Variants in LINGO2 observed in about 807,000 individuals in gnomAD.
LINGO2 encodes leucine rich repeat and Ig domain containing 2, also known as leucine-rich repeat and immunoglobulin-like domain-containing nogo receptor-interacting protein 2.
In LINGO2, 14 loss-of-function variants were observed where a neutral mutation model predicts 30.6. The ratio of observed to expected loss-of-function variants is 0.46; its 90% CI spans 0.30 to 0.72. The LOEUF (loss-of-function observed/expected upper bound fraction) is 0.72. Among genes scored for constraint, LINGO2 ranks in the 30% least tolerant of loss-of-function variants. LINGO2 has a pLI of 0.07. For missense variants in LINGO2, 729 were observed against 751.7 expected, an observed-to-expected ratio of 0.97 and a Z score of 0.35; for synonymous variants, 317 against 288.5, an observed-to-expected ratio of 1.10 and a Z score of -1.00.
chr9:28,226,031 A>G, intron 4 of LINGO2, among the ~76,000 whole-genome samples: 1 of 152,178 alleles, frequency 6.6e-6, no homozygotes. Flanking sequence ...ATAACACCAG[A>G]AGTTCCTCCA....
intron 2 of LINGO2, among the ~76,000 whole-genome samples, chr9:28,469,615 A>G (rs1450418456): frequency 1.3e-5 from 2 of 152,188 alleles, no homozygotes; most frequent in African/African-American, 2.4e-5. Flanking sequence ...TAAACCTATC[A>G]TTGAATTTTT....
chr9:28,919,635 T>C, the LINGO2 span, among the ~76,000 whole-genome samples: 1 of 152,114 alleles, frequency 6.6e-6, no homozygotes, highest in African/African-American at 2.4e-5. Context: ...GGTGCAGGCA[T>C]GGACATTCTT....
the LINGO2 span, among the ~76,000 whole-genome samples, chr9:28,876,609 C>T: frequency 6.6e-6 from 1 of 152,098 alleles, no homozygotes; most frequent in Non-Finnish European, 1.5e-5. Context: ...CATAGTATTC[C>T]ATGGTGTATA....
chr9:28,327,811 A>T (rs1156502680), intron 3 of LINGO2, among the ~76,000 whole-genome samples: 1 of 152,256 alleles, frequency 6.6e-6, no homozygotes, highest in South Asian at 2.1e-4. Context: ...ACTCATCAAT[A>T]AAAAAAGTCA....
the LINGO2 span, among the ~76,000 whole-genome samples, chr9:28,857,456 A>C: frequency 6.6e-6 from 1 of 152,056 alleles, no homozygotes; most frequent in South Asian, 2.1e-4. Flanking sequence ...AGGGAGGATA[A>C]GTGACCAGCC....
intron 4 of LINGO2, among the ~76,000 whole-genome samples, chr9:28,073,051 A>G (rs923206217): frequency 1.3e-5 from 2 of 151,876 alleles, no homozygotes; most frequent in African/African-American, 4.8e-5. Context: ...CATCTTCACC[A>G]GACACCTTGG....
intron 3 of LINGO2, among the ~76,000 whole-genome samples, chr9:28,311,578 C>T (rs1262751194): frequency 2.0e-5 from 3 of 152,094 alleles, no homozygotes; most frequent in Non-Finnish European, 2.9e-5. Flanking sequence ...AAGAATTCAG[C>T]GATATTTCTC....
chr9:29,022,056 G>A, the LINGO2 span, among the ~76,000 whole-genome samples: 1 of 152,018 alleles, frequency 6.6e-6, no homozygotes, highest in African/African-American at 2.4e-5. Context: ...AATTACTGGG[G>A]TATTGTCCTA....
chr9:28,867,453 T>C, the LINGO2 span, among the ~76,000 whole-genome samples: 1 of 149,062 alleles, frequency 6.7e-6, no homozygotes, highest in Non-Finnish European at 1.5e-5. Flanking sequence ...CTGAGCTAAA[T>C]ATGTGGCAGG....
chr9:28,916,232 C>T, the LINGO2 span, among the ~76,000 whole-genome samples: 1 of 152,144 alleles, frequency 6.6e-6, no homozygotes, highest in Non-Finnish European at 1.5e-5. Context: ...CAAAGTATTT[C>T]ACCCCCGAAT....
At chr9:28,128,919 C>T (rs190543513) in intron 4 of LINGO2, among the ~76,000 whole-genome samples, 51 of 152,276 alleles carry the variant, frequency 3.3e-4, no homozygotes, top group Admixed American at 1.3e-3. Flanking sequence ...TCTGCGTGGG[C>T]ACCATCCAAT....
upstream of LINGO2, among the ~76,000 whole-genome samples, chr9:28,672,013 C>T (rs185244746): frequency 6.4e-4 from 97 of 151,932 alleles, 1 homozygote; most frequent in East Asian, 0.012. Context: ...GTCTTTTGTT[C>T]GGAGGTATTA....
the LINGO2 span, among the ~76,000 whole-genome samples, chr9:28,936,377 G>A: frequency 6.6e-6 from 1 of 152,174 alleles, no homozygotes; most frequent in Non-Finnish European, 1.5e-5. Context: ...CCAAAAAATG[G>A]TAGTGGTGAT....
the LINGO2 span, among the ~76,000 whole-genome samples, chr9:29,147,270 T>G: frequency 6.6e-6 from 1 of 152,276 alleles, no homozygotes; most frequent in Middle Eastern, 3.4e-3. Context: ...TTGGATATAA[T>G]AAATATTTGT....
the LINGO2 span, among the ~76,000 whole-genome samples, chr9:28,829,404 CA>C: frequency 6.6e-6 from 1 of 152,128 alleles, no homozygotes; most frequent in African/African-American, 2.4e-5. Flanking sequence ...TCTGCCCTCG[CA>C]AAAAGGCAGA....
chr9:28,697,183 T>C, the LINGO2 span, among the ~76,000 whole-genome samples: 42 of 151,932 alleles, frequency 2.8e-4, no homozygotes, highest in Non-Finnish European at 4.4e-4. Context: ...AGAGTGGAAA[T>C]TCAATTTAAA....
chr9:28,225,813 A>G (rs551765275), intron 4 of LINGO2, among the ~76,000 whole-genome samples: 1 of 152,254 alleles, frequency 6.6e-6, no homozygotes. Flanking sequence ...AGAAATAATG[A>G]GATTCCTTTT....
chr9:28,003,346 G>GATAT (rs752638950), intron 5 of LINGO2, among the ~76,000 whole-genome samples: 13 of 81,586 alleles, frequency 1.6e-4, no homozygotes, highest in East Asian at 6.3e-4. Context: ...TAGATATATA[G>GATAT]ATAGATAGAT....
the LINGO2 span, among the ~76,000 whole-genome samples, chr9:29,151,962 T>C: frequency 6.6e-6 from 1 of 152,162 alleles, no homozygotes; most frequent in South Asian, 2.1e-4. Flanking sequence ...GACCAATATG[T>C]TCTGAGATTG....
Sources: gnomAD v4.1 joint callset for allele counts (sites outside exome capture counted in the v4.1 genomes callset) on GRCh38, gnomAD v4.1.1 for gene constraint, MANE v1.5 for transcripts, NCBI Gene and HGNC (gene_info 2026-07-23, HGNC 2026-07-21) for gene names.